CCDC60: variants seen among roughly 807,000 people sequenced by gnomAD.
CCDC60 encodes the protein coiled-coil domain-containing protein 60.
A neutral mutation model predicts 63.5 loss-of-function variants in CCDC60; 54 were observed. That is an observed-to-expected ratio of 0.85 (90% CI 0.68 to 1.07). The LOEUF (loss-of-function observed/expected upper bound fraction) is 1.07, where lower values mean the gene tolerates loss of function less well. CCDC60 is among the 50% of genes least tolerant of loss of function. The pLI is 0.00. For synonymous variants in CCDC60, 206 were observed against 238.8 expected (o/e 0.86, Z 1.27); for missense variants, 651 against 684.3 (o/e 0.95, Z 0.54).
intron 1 of CCDC60, among the ~76,000 whole-genome samples, chr12:119,364,944 C>G (rs1163936923): frequency 6.6e-6 from 1 of 151,974 alleles, no homozygotes; most frequent in African/African-American, 2.4e-5. Flanking sequence ...GAGACAGGCT[C>G]TGAGGTGTAT....
At chr12:119,363,458 G>A (rs1955811733) in intron 1 of CCDC60, among the ~76,000 whole-genome samples, 1 of 150,250 alleles carries the variant, frequency 6.7e-6, no homozygotes, top group African/African-American at 2.5e-5. Flanking sequence ...TTCACGAAGT[G>A]CCTTTTTATT....
intron 4 of CCDC60, 26 bp downstream of exon 4, chr12:119,479,227 TTGC>T (rs773106411): frequency 6.5e-7 from 1 of 1,529,354 alleles, no homozygotes; most frequent in Non-Finnish European, 9.1e-7. Context: ...TCCAGCTCAT[TTGC>T]TTTGCTAGCT....
chr12:119,486,185 A>G (rs974841436), intron 4 of CCDC60, among the ~76,000 whole-genome samples: 1 of 152,158 alleles, frequency 6.6e-6, no homozygotes, highest in Non-Finnish European at 1.5e-5. Flanking sequence ...ACCCAGACCT[A>G]CCAAAATGCT....
At chr12:119,517,414 T>C (rs1392184286) in intron 8 of CCDC60, among the ~76,000 whole-genome samples, 1 of 152,224 alleles carries the variant, frequency 6.6e-6, no homozygotes, top group African/African-American at 2.4e-5. Context: ...GTATGGGCTG[T>C]GTACTCATTA....
At chr12:119,528,414 G>C (rs1237070372) in intron 11 of CCDC60, among the ~76,000 whole-genome samples, 1 of 152,170 alleles carries the variant, frequency 6.6e-6, no homozygotes, top group East Asian at 1.9e-4. Flanking sequence ...ATTTAACTGT[G>C]CTTAAGTAGT....
chr12:119,385,113 T>C (rs1190041904), intron 1 of CCDC60, among the ~76,000 whole-genome samples: 1 of 152,256 alleles, frequency 6.6e-6, no homozygotes, highest in Non-Finnish European at 1.5e-5. Flanking sequence ...TTATGGTCTG[T>C]GTCCCATAGG....
chr12:119,472,132 C>T lies in CCDC60; in HGVS notation c.309C>T (p.Ile103=), dbSNP rs1951075065. 6.2e-7 allele frequency: 1 copy of T among 1,614,036 alleles called. No homozygotes were observed. The highest frequency in any genetic ancestry group is 1.7e-5 in the Admixed American group (1 of 59,988). ...ATAAATTCCAGCCAGCCGAAAAGATCTCAGAAATCCACTATGGGGACACCT... is the reference window on the plus strand; with the variant it reads ...ATAAATTCCAGCCAGCCGAAAAGATTTCAGAAATCCACTATGGGGACACCT... ...ERNKFQPAEK[I]SEIHYGDTLL... The change falls in exon 3 of 14, where the codon ATC becomes ATT. Residue 103 remains isoleucine, a synonymous_variant. Transcript: ENST00000327554.
At chr12:119,504,807 A>G (rs1400109485) in intron 6 of CCDC60, among the ~76,000 whole-genome samples, 1 of 152,226 alleles carries the variant, frequency 6.6e-6, no homozygotes, top group African/African-American at 2.4e-5. Flanking sequence ...GGCAACCATG[A>G]GCTCGTTCAA....
At chr12:119,523,584 G>T (rs1952590693) in intron 10 of CCDC60, 109 bp from the exon 11 acceptor site, 19 of 1,484,192 alleles carry the variant, frequency 1.3e-5, no homozygotes, top group Non-Finnish European at 1.6e-5. Flanking sequence ...GCTACAGGGA[G>T]TCCCCCATGC....
Position 119,455,803 on chromosome 12 carries a change from CAGA to C in CCDC60, c.171-16180_171-16178del, listed in dbSNP as rs113782975. ...AAAGAAAGAAAAAGAAGAAGAAAAA[CAGA>C]AGAAGAAGAAAAGGAGGAGGAAGGA... On this transcript the variant is annotated intron_variant, in intron 2 of 13. Transcript: ENST00000327554. Among the ~76,000 whole-genome samples the C allele has an allele frequency of 3.2e-4, 39 of 122,506 alleles. No homozygotes were observed. The East Asian group carries it at 7.8e-3, about 25-fold the overall frequency. The allele number at this position is 122,506 out of a possible 152,430, so 80.4% of individuals were successfully genotyped here. A position where few individuals can be genotyped will look rare whatever the true frequency, so the allele number is the denominator to read the frequency against.
chr12:119,472,284 G>A (rs1193399684), intron 3 of CCDC60, 120 bp downstream of exon 3: 2 of 877,342 alleles, frequency 2.3e-6, no homozygotes, highest in South Asian at 1.6e-5. Flanking sequence ...TCTCAGCCTG[G>A]CATCTAACAC....
intron 2 of CCDC60, among the ~76,000 whole-genome samples, chr12:119,468,166 C>T (rs1950988652): frequency 6.6e-6 from 1 of 152,052 alleles, no homozygotes; most frequent in South Asian, 2.1e-4. Flanking sequence ...GTGGCACATG[C>T]CTGTAATCCC....
intron 11 of CCDC60, 39 bp from the exon 12 acceptor site, chr12:119,528,576 G>GA: frequency 6.3e-7 from 1 of 1,593,512 alleles, no homozygotes; most frequent in Non-Finnish European, 8.6e-7. Context: ...AGGAGGAGGG[G>GA]ATCTCATTCT....
intron 4 of CCDC60, among the ~76,000 whole-genome samples, chr12:119,481,225 C>A (rs2136351842): frequency 6.6e-6 from 1 of 152,318 alleles, no homozygotes; most frequent in East Asian, 1.9e-4. Context: ...AATATTCCAG[C>A]TGGCAGCCTA....
chr12:119,480,909 C>A (rs1951299838), intron 4 of CCDC60, among the ~76,000 whole-genome samples: 2 of 151,086 alleles, frequency 1.3e-5, no homozygotes, highest in South Asian at 4.2e-4. Context: ...CCACCATCCT[C>A]ACCATCACCA....
intron 1 of CCDC60, among the ~76,000 whole-genome samples, chr12:119,387,034 T>TCTCTCTCACACACACACA (rs543330015): frequency 2.3e-4 from 24 of 105,448 alleles, no homozygotes; most frequent in African/African-American, 9.4e-4. Flanking sequence ...TCTGTCTCTC[T>TCTCTCTCACACACACACA]CACACACACA....
At chr12:119,499,331 T>C (rs1019125939) in intron 5 of CCDC60, among the ~76,000 whole-genome samples, 1 of 151,982 alleles carries the variant, frequency 6.6e-6, no homozygotes, top group Non-Finnish European at 1.5e-5. Context: ...GGAGAGGGCA[T>C]TTTAAGAAAA....
At chr12:119,449,606 G>A (rs959485480) in intron 2 of CCDC60, among the ~76,000 whole-genome samples, 5 of 152,112 alleles carry the variant, frequency 3.3e-5, no homozygotes, top group South Asian at 2.1e-4. Context: ...TTAGTTACTC[G>A]TGCAATAGAT....
chr12:119,371,307 T>C (rs1396920784), intron 1 of CCDC60, among the ~76,000 whole-genome samples: 1 of 152,176 alleles, frequency 6.6e-6, no homozygotes, highest in Non-Finnish European at 1.5e-5. Flanking sequence ...GTACCCATGT[T>C]CAATAGGAGA....
Sources: gnomAD v4.1 joint callset for allele counts (sites outside exome capture counted in the v4.1 genomes callset) on GRCh38, gnomAD v4.1.1 for gene constraint, MANE v1.5 for transcripts, NCBI Gene and HGNC (gene_info 2026-07-23, HGNC 2026-07-21) for gene names.